FAM20C: variants seen among roughly 807,000 people sequenced by gnomAD.
FAM20C encodes FAM20C golgi associated secretory pathway kinase, also known as extracellular serine/threonine protein kinase FAM20C.
A neutral mutation model predicts 51.5 loss-of-function variants in FAM20C; 40 were observed. That is an observed-to-expected ratio of 0.78 (90% confidence interval 0.60 to 1.01). FAM20C has a LOEUF of 1.01. Ranked by LOEUF, FAM20C falls within the 50% of genes least tolerant of loss-of-function variation. The probability of loss-of-function intolerance (pLI) is 0.00; values close to 1 mark genes in which losing one functional copy is unlikely to be tolerated. For synonymous variants in FAM20C, 406 were observed against 380.6 expected, an observed-to-expected ratio of 1.07 and a Z score of -0.78; for missense variants, 861 against 844.7, an observed-to-expected ratio of 1.02 and a Z score of -0.24.
intron 5 of FAM20C, among the ~76,000 whole-genome samples, chr7:251,104 C>A (rs1788377624): frequency 6.6e-6 from 1 of 152,234 alleles, no homozygotes; most frequent in African/African-American, 2.4e-5. Flanking sequence ...TAAAATGAGC[C>A]TGTGGGGGCA....
chr7:228,736 A>G (rs902042622), intron 3 of FAM20C: 8 of 456,112 alleles, frequency 1.8e-5, no homozygotes, highest in Non-Finnish European at 3.5e-5. Context: ...TCCATCCCAC[A>G]TCCTCCACCA....
chr7:228,776 C>T (rs1177242231), intron 3 of FAM20C: 1 of 456,250 alleles, frequency 2.2e-6, no homozygotes, highest in East Asian at 6.9e-5. Context: ...GACGCCACGA[C>T]TCTCACGGCT....
intron 5 of FAM20C, among the ~76,000 whole-genome samples, chr7:253,672 T>C (rs1266721645): frequency 7.4e-6 from 1 of 135,506 alleles, no homozygotes; most frequent in African/African-American, 2.8e-5. Flanking sequence ...GGCGAGGGGC[T>C]GGGCACAGAG....
At chr7:224,044 C>A (rs549213405) in intron 3 of FAM20C, among the ~76,000 whole-genome samples, 3,243 of 144,296 alleles carry the variant, frequency 0.022, 69 homozygotes, top group Non-Finnish European at 0.032. Context: ...TCCCCTGAGC[C>A]TTCTCTCATT....
intron 5 of FAM20C, among the ~76,000 whole-genome samples, chr7:250,521 A>G (rs1468382593): frequency 1.3e-5 from 2 of 152,168 alleles, no homozygotes; most frequent in African/African-American, 2.4e-5. Context: ...TGGGGAACGC[A>G]TTGGCTCACA....
In FAM20C at chr7:256,696, A is replaced by C; in HGVS notation, c.1296A>C (p.Thr432=). 6.5e-7 allele frequency: 1 copy of C among 1,536,034 alleles called. No homozygotes were observed. The highest frequency in any genetic ancestry group is 8.7e-7 in the Non-Finnish European group (1 of 1,146,812). Residue 432 remains threonine, a synonymous_variant, in exon 7 of 10, where the codon ACA becomes ACC. Transcript: ENST00000313766. The part of the protein sequence containing the change: ...DPDYCEEVKQ[T]PPYDSSHRIL... ...ACTACTGCGAGGAGGTGAAGCAGAC[A>C]CCGCCCTACGACAGCAGCCACCGCA...
intron 3 of FAM20C, among the ~76,000 whole-genome samples, chr7:209,246 T>G (rs1387557043): frequency 6.6e-6 from 1 of 152,180 alleles, no homozygotes; most frequent in Non-Finnish European, 1.5e-5. Flanking sequence ...AGCATTTGTA[T>G]TTTAAACAAG....
chr7:255,960 T>A lies in FAM20C; in HGVS notation c.1184T>A (p.Leu395Gln). Residue 395 changes from leucine to glutamine, a missense_variant, in exon 6 of 10, where the codon CTG (leucine) becomes CAG (glutamine). Physicochemically the swap from Leu to Gln is moderately radical, Grantham distance 113 (BLOSUM62 -2). Coordinates refer to ENST00000313766, the MANE Select transcript of FAM20C (RefSeq NM_020223.4). ...TCGCTGGCGGCCTTCCTGCCCGACCTGTCCCTGGCCAAGAGGAAGACCTGG... is the reference window on the plus strand; with the variant it reads ...TCGCTGGCGGCCTTCCTGCCCGACCAGTCCCTGGCCAAGAGGAAGACCTGG... Reference protein sequence around the residue: ...EGSLAAFLPDLSLAKRKTWRN... With the variant: ...EGSLAAFLPDQSLAKRKTWRN... 1 of 1,536,202 alleles carries A rather than the reference T, an allele frequency of 6.5e-7. No homozygotes were observed. Among genetic ancestry groups the A allele is most frequent in the Non-Finnish European group, 8.7e-7 (1 of 1,146,830 alleles).
At chr7:240,812 C>T (rs1354164445) in intron 3 of FAM20C, among the ~76,000 whole-genome samples, 1 of 152,176 alleles carries the variant, frequency 6.6e-6, no homozygotes, top group African/African-American at 2.4e-5. Context: ...GAGCCACATT[C>T]TGCCTCAGGC....
intron 2 of FAM20C, among the ~76,000 whole-genome samples, chr7:204,625 T>C (rs1786268621): frequency 6.6e-6 from 1 of 152,254 alleles, no homozygotes; most frequent in Admixed American, 6.5e-5. Flanking sequence ...GCGGCTGTTC[T>C]CAGCACTCAG....
chr7:256,139 G>A, intron 6 of FAM20C, 110 bp downstream of exon 6: 1 of 1,320,652 alleles, frequency 7.6e-7, no homozygotes, highest in South Asian at 1.4e-5. Flanking sequence ...GATGGGTGCA[G>A]AGCCTGCTGT....
chr7:231,798 T>C (rs926268818), intron 3 of FAM20C, among the ~76,000 whole-genome samples: 4 of 151,920 alleles, frequency 2.6e-5, no homozygotes, highest in African/African-American at 9.7e-5. Flanking sequence ...TCTGGCAGGG[T>C]TTGGGAGGTG....
chr7:257,518 A>G (rs1179421858), intron 8 of FAM20C: 1 of 190,658 alleles, frequency 5.2e-6, no homozygotes, highest in African/African-American at 2.4e-5. Context: ...GTTACCAGGG[A>G]GGGTGACCCC....
At position 256,032 on chromosome 7, in the gene FAM20C, G is replaced by A; in HGVS notation, c.1253+3G>A. 1.3e-6 allele frequency: 2 copies of A among 1,535,334 alleles called. No individual in the cohort carries two copies. The highest frequency in any genetic ancestry group is 1.2e-5 in the South Asian group (1 of 84,018). Reference sequence around the variant, plus strand: ...TACCACAAGCGCAAGAAGGCCGAGTGAGTGCGGGGCCGGGGGGCTGGCGTC... The same window carrying A: ...TACCACAAGCGCAAGAAGGCCGAGTAAGTGCGGGGCCGGGGGGCTGGCGTC... On this transcript the variant is annotated splice_donor_region_variant and intron_variant, in intron 6 of 9. Transcript: ENST00000313766.
chr7:237,095 CA>C, intron 3 of FAM20C, among the ~76,000 whole-genome samples: 1 of 152,226 alleles, frequency 6.6e-6, no homozygotes, highest in Non-Finnish European at 1.5e-5. Context: ...GTGAGGATCC[CA>C]GAACAGGCTG....
At chr7:194,427 C>T (rs2115037504) in intron 1 of FAM20C, among the ~76,000 whole-genome samples, 1 of 150,640 alleles carries the variant, frequency 6.6e-6, no homozygotes, top group Middle Eastern at 3.4e-3. Context: ...CCGGCCCCTC[C>T]CTCCGCCACA....
Position 257,407 on chromosome 7 carries a change from G to A in FAM20C, c.1445+321G>A, listed in dbSNP as rs193274256. The A allele has an allele frequency of 2.0e-3, 598 of 294,444 alleles. 2 individuals carry two copies. Among genetic ancestry groups the A allele is most frequent in the African/African-American group, 0.012 (551 of 46,178 alleles). 18.2% of individuals were successfully genotyped at this position (294,444 alleles called of 1,614,324 possible). A position where few individuals can be genotyped will look rare whatever the true frequency, so the allele number is the denominator to read the frequency against. On this transcript the variant is annotated intron_variant, in intron 8 of 9. Transcript: ENST00000313766. Reference sequence around the variant, plus strand: ...GACCGTGCAGAATAGATGGGCCTCTGCCTGCACGCGGTACCTGGAGCCAGC... The same window carrying A: ...GACCGTGCAGAATAGATGGGCCTCTACCTGCACGCGGTACCTGGAGCCAGC...
rs373369277 is a variant in FAM20C at position 222,106 on chromosome 7, G to A, written c.863+13130G>A. On this transcript the variant is annotated intron_variant, in intron 3 of 9. Coordinates refer to ENST00000313766, the MANE Select transcript of FAM20C (RefSeq NM_020223.4). ...AGCCGTTCTTAGCATCTGGGCACCC[G>A]GGAGGGAGGGGCCTGTGGGGAGCCA... Among the ~76,000 whole-genome samples, 647 of 152,002 alleles carry A rather than the reference G, an allele frequency of 4.3e-3. 45 individuals are homozygous for A. Among genetic ancestry groups the A allele is most frequent in the African/African-American group, 0.015 (601 of 41,310 alleles).
intron 5 of FAM20C, among the ~76,000 whole-genome samples, chr7:250,492 C>T (rs1788353742): frequency 6.6e-6 from 1 of 152,202 alleles, no homozygotes; most frequent in Non-Finnish European, 1.5e-5. Context: ...TGTGCCTGAG[C>T]CAGGCACACC....
Sources: gnomAD v4.1 joint callset for allele counts (sites outside exome capture counted in the v4.1 genomes callset) on GRCh38, gnomAD v4.1.1 for gene constraint, MANE v1.5 for transcripts, NCBI Gene and HGNC (gene_info 2026-07-23, HGNC 2026-07-21) for gene names.